The following FARSB variants were observed in gnomAD, a reference collection of about 807,000 sequenced individuals.
FARSB encodes the protein phenylalanine--tRNA ligase beta subunit.
In FARSB, 40 loss-of-function variants were observed where a neutral mutation model predicts 69.6. The ratio of observed to expected loss-of-function variants is 0.57; its 90% CI spans 0.45 to 0.75. The LOEUF (loss-of-function observed/expected upper bound fraction) is 0.75. Among genes scored for constraint, FARSB ranks in the 30% least tolerant of loss-of-function variants. The pLI, the probability that FARSB is intolerant of heterozygous loss-of-function variation, is 0.00. For missense variants in FARSB, 632 were observed against 722.9 expected, an observed-to-expected ratio of 0.87 and a Z score of 1.44; for synonymous variants, 235 against 247.2, an observed-to-expected ratio of 0.95 and a Z score of 0.46.
At chr2:222,646,607 A>T (rs567971515) in intron 2 of FARSB, among the ~76,000 whole-genome samples, 1 of 152,246 alleles carries the variant, frequency 6.6e-6, no homozygotes, top group African/African-American at 2.4e-5. Context: ...CTTCACATAT[A>T]TGCTCTCTAT....
intron 16 of FARSB, among the ~76,000 whole-genome samples, chr2:222,585,487 C>A (rs190051506): frequency 5.6e-4 from 85 of 152,342 alleles, no homozygotes; most frequent in African/African-American, 1.9e-3. Context: ...TGCAGCTCTT[C>A]GCCAGCAATG....
chr2:222,624,207 C>G (rs116721296), intron 12 of FARSB, 65 bp downstream of exon 12: 17,431 of 1,068,668 alleles, frequency 0.016, 203 homozygotes, highest in Middle Eastern at 0.052. Flanking sequence ...TTTCTCGAAG[C>G]CTTCCTGGCA....
At chr2:222,591,658 C>T (rs1374091518) in intron 16 of FARSB, among the ~76,000 whole-genome samples, 1 of 152,128 alleles carries the variant, frequency 6.6e-6, no homozygotes, top group Non-Finnish European at 1.5e-5. Flanking sequence ...GACAGGTAAC[C>T]CTTTGTTCAA....
At chr2:222,653,000 C>A (rs996993262) in intron 1 of FARSB, among the ~76,000 whole-genome samples, 15 of 152,096 alleles carry the variant, frequency 9.9e-5, no homozygotes, top group Non-Finnish European at 1.0e-4. Context: ...TTTCCTCTAA[C>A]GAAATGACAC....
chr2:222,631,827 C>A (rs529929362), intron 7 of FARSB, among the ~76,000 whole-genome samples, 153 bp from the exon 8 acceptor site: 47 of 152,374 alleles, frequency 3.1e-4, no homozygotes, highest in African/African-American at 9.9e-4. Flanking sequence ...CCCACCAGCA[C>A]TCTGGGAGGC....
chr2:222,575,006 C>A (rs905323173), intron 16 of FARSB, among the ~76,000 whole-genome samples: 1 of 152,142 alleles, frequency 6.6e-6, no homozygotes, highest in African/African-American at 2.4e-5. Flanking sequence ...AGGTTCAAAC[C>A]AAACTTTGCA....
At chr2:222,634,362 G>C in intron 6 of FARSB, 29 bp downstream of exon 6, 1 of 1,470,852 alleles carries the variant, frequency 6.8e-7, no homozygotes, top group Non-Finnish European at 9.1e-7. Context: ...TTTTTGCAAA[G>C]CTGCTGCATA....
chr2:222,616,667 T>C (rs1193867876), intron 14 of FARSB, among the ~76,000 whole-genome samples: 1 of 152,154 alleles, frequency 6.6e-6, no homozygotes, highest in Non-Finnish European at 1.5e-5. Context: ...GTAAGTTTGT[T>C]TATTGTCACT....
intron 16 of FARSB, among the ~76,000 whole-genome samples, chr2:222,574,951 C>T (rs940688449): frequency 7.2e-5 from 11 of 152,154 alleles, no homozygotes; most frequent in South Asian, 2.1e-4. Flanking sequence ...GAAAATATAA[C>T]GTTACTAAAA....
chr2:222,654,107 T>C (rs979109640), intron 1 of FARSB, among the ~76,000 whole-genome samples: 6 of 152,206 alleles, frequency 3.9e-5, no homozygotes, highest in Non-Finnish European at 8.8e-5. Flanking sequence ...AAATGGAGAC[T>C]GGGATGGGAA....
intron 16 of FARSB, among the ~76,000 whole-genome samples, chr2:222,582,944 G>C (rs1047213099): frequency 6.7e-6 from 1 of 149,922 alleles, no homozygotes; most frequent in Non-Finnish European, 1.5e-5. Flanking sequence ...AAAAAAAAAA[G>C]AGCAATAATG....
Position 222,572,007 on chromosome 2 carries a change from G to A in FARSB, c.1634C>T (p.Pro545Leu). The A allele has an allele frequency of 6.2e-7, 1 of 1,612,162 alleles. No homozygotes were observed. Among genetic ancestry groups the A allele is most frequent in the East Asian group, 2.2e-5 (1 of 44,856 alleles). Residue 545 changes from proline (P) to leucine (L), a missense_variant, in exon 17 of 17, where the codon CCC becomes CTC. Coordinates refer to ENST00000281828, the MANE Select transcript of FARSB (RefSeq NM_005687.5). The stretch of plus-strand genomic sequence containing the variant: ...GGCAAAGATCTCTGCACATCGCCCG[G>A]GGAAGAAAGCAGGCCCTGAAAAAGA... ...IKASEGPAFF[P>L]GRCAEIFARG...
chr2:222,577,104 A>G (rs551543134), intron 16 of FARSB, among the ~76,000 whole-genome samples: 1 of 152,284 alleles, frequency 6.6e-6, no homozygotes, highest in African/African-American at 2.4e-5. Context: ...AGGTTTAGGA[A>G]TATGAGGAGG....
intron 16 of FARSB, among the ~76,000 whole-genome samples, chr2:222,597,079 G>A (rs1690437852): frequency 6.6e-6 from 1 of 152,102 alleles, no homozygotes; most frequent in Non-Finnish European, 1.5e-5. Flanking sequence ...AGCTAGATGT[G>A]TGCCCAGGAC....
intron 2 of FARSB, 53 bp from the exon 3 acceptor site, chr2:222,643,058 A>G (rs1691763438): frequency 7.5e-6 from 9 of 1,201,174 alleles, no homozygotes; most frequent in Non-Finnish European, 1.0e-5. Flanking sequence ...AACTCTCTTT[A>G]AAAAGTAAAA....
At position 222,631,672 on chromosome 2, in the gene FARSB, C is replaced by G. The variant is rs372188174; in HGVS notation, c.718G>C (p.Asp240His). 4 of 1,533,466 alleles carry G rather than the reference C, an allele frequency of 2.6e-6. No homozygotes were observed. In the Admixed American group the frequency reaches 6.7e-5, roughly 26 times the overall value. The allele number at this position is 1,533,466 out of a possible 1,614,324, so 95.0% of individuals were successfully genotyped here. ...GTATTTACTGTTATTCTGGAATGAT[C>G]CCCTGCAATGAACACAAAACAATAA... ...VLSMPPIING[D>H]HSRITVNTRN... The change falls in exon 8 of 17, where the codon GAT (aspartate) becomes CAT (histidine). Residue 240 changes from aspartate (D) to histidine (H), a missense_variant and splice_region_variant. By Grantham distance (81) the Asp-to-His change is moderately conservative (BLOSUM62 -1). Coordinates refer to ENST00000281828, the MANE Select transcript of FARSB (RefSeq NM_005687.5).
At chr2:222,593,899 A>G (rs913799453) in intron 16 of FARSB, among the ~76,000 whole-genome samples, 5 of 151,694 alleles carry the variant, frequency 3.3e-5, no homozygotes, top group Non-Finnish European at 7.4e-5. Context: ...AAATGCTGAC[A>G]ATATCTATCA....
chr2:222,649,234 T>TAAAAAAAAAAAA (rs71961708), intron 1 of FARSB, among the ~76,000 whole-genome samples: 3 of 88,296 alleles, frequency 3.4e-5, no homozygotes, highest in Non-Finnish European at 6.3e-5. Context: ...CTCAAAAAAT[T>TAAAAAAAAAAAA]AAAAAAAAAA....
At chr2:222,624,856 G>T in intron 10 of FARSB, 81 bp from the exon 11 acceptor site, 1 of 756,120 alleles carries the variant, frequency 1.3e-6, no homozygotes, top group Non-Finnish European at 2.2e-6. Context: ...CATTATTGCA[G>T]TTCTATTACG....
Sources: allele counts gnomAD v4.1 joint callset (sites outside exome capture counted in the v4.1 genomes callset), GRCh38; gene constraint gnomAD v4.1.1; transcripts MANE v1.5; gene names NCBI Gene and HGNC (gene_info 2026-07-23, HGNC 2026-07-21).